KIAA0586: variants seen among roughly 807,000 people sequenced by gnomAD.
KIAA0586 encodes KIAA0586, also known as protein TALPID3.
A neutral mutation model predicts 169.8 loss-of-function variants in KIAA0586; 144 were observed. That is an observed-to-expected ratio of 0.85 (90% CI 0.74 to 0.97). The LOEUF (loss-of-function observed/expected upper bound fraction) is 0.97, where lower values mean the gene tolerates loss of function less well. Among genes scored for constraint, KIAA0586 ranks in the 50% least tolerant of loss-of-function variants. KIAA0586 has a pLI of 0.00. For missense variants in KIAA0586, 1,854 were observed against 1,823.0 expected, an observed-to-expected ratio of 1.02 and a Z score of -0.31; for synonymous variants, 625 against 612.4, an observed-to-expected ratio of 1.02 and a Z score of -0.30.
At chr14:58,525,777 C>T (rs2045543311) in intron 29 of KIAA0586, among the ~76,000 whole-genome samples, 1 of 152,224 alleles carries the variant, frequency 6.6e-6, no homozygotes, top group Admixed American at 6.5e-5. Flanking sequence ...GCGGATTCCA[C>T]TGCCACGGAA....
At chr14:58,514,607 G>A (rs2044623126) in intron 29 of KIAA0586, among the ~76,000 whole-genome samples, 1 of 151,968 alleles carries the variant, frequency 6.6e-6, no homozygotes, top group South Asian at 2.1e-4. Context: ...ATATTGCTAG[G>A]AACTTAGTAA....
rs551062851 is a variant in KIAA0586 at position 58,457,855 on chromosome 14, G to A, written c.1459G>A (p.Ala487Thr). The change falls in exon 11 of 31, where the codon GCT becomes ACT. Residue 487 changes from alanine (A) to threonine (T), a missense_variant. Coordinates refer to ENST00000652326, the MANE Select transcript of KIAA0586 (RefSeq NM_001329943.3). ...TNTTRSVLKD[A>T]EKILRGVQNN... is the part of the protein sequence containing the mutation. ...TACAACAAGATCTGTATTGAAAGAT[G>A]CTGAGAAGATTTTGAGAGGAGTACA... The A allele has an allele frequency of 6.2e-7, 1 of 1,608,648 alleles. No individual in the cohort carries two copies. Among genetic ancestry groups the A allele is most frequent in the South Asian group, 1.1e-5 (1 of 90,160 alleles).
intron 4 of KIAA0586, among the ~76,000 whole-genome samples, chr14:58,438,711 C>T (rs984161017): frequency 6.6e-6 from 1 of 152,102 alleles, no homozygotes; most frequent in Non-Finnish European, 1.5e-5. Flanking sequence ...AGAGGAAGTG[C>T]TAGAAGAACA....
chr14:58,558,003 G>A, the KIAA0586 span, among the ~76,000 whole-genome samples: 7 of 137,856 alleles, frequency 5.1e-5, no homozygotes, highest in African/African-American at 5.4e-5. Context: ...TCCACCTATC[G>A]GGTTCAAGCA....
chr14:58,515,889 A>G (rs1353098483), intron 29 of KIAA0586, among the ~76,000 whole-genome samples: 1 of 151,152 alleles, frequency 6.6e-6, no homozygotes, highest in South Asian at 2.1e-4. Context: ...CCTAACTATA[A>G]TAAAATGTCA....
intron 29 of KIAA0586, among the ~76,000 whole-genome samples, chr14:58,532,122 G>A (rs2046011388): frequency 6.6e-6 from 1 of 151,734 alleles, no homozygotes; most frequent in Admixed American, 6.6e-5. Context: ...ACCATGGCAT[G>A]TGTGTACCTA....
At chr14:58,473,435 A>C (rs1394757262) in intron 18 of KIAA0586, among the ~76,000 whole-genome samples, 1 of 152,206 alleles carries the variant, frequency 6.6e-6, no homozygotes, top group Non-Finnish European at 1.5e-5. Context: ...AAACTTTAAC[A>C]ATTCCAGAAA....
chr14:58,499,562 T>C (rs1243744380), intron 27 of KIAA0586, among the ~76,000 whole-genome samples: 1 of 149,188 alleles, frequency 6.7e-6, no homozygotes, highest in East Asian at 2.0e-4. Context: ...TATTTTATTT[T>C]ATTTTATTTT....
intron 19 of KIAA0586, among the ~76,000 whole-genome samples, chr14:58,476,458 T>G (rs997638329): frequency 1.3e-5 from 2 of 152,176 alleles, no homozygotes; most frequent in Non-Finnish European, 2.9e-5. Context: ...CTAGCTCTGA[T>G]CTGATATGGT....
chr14:58,452,052 C>T (rs1234648539), intron 8 of KIAA0586, among the ~76,000 whole-genome samples: 3 of 152,146 alleles, frequency 2.0e-5, no homozygotes, highest in African/African-American at 7.2e-5. Flanking sequence ...ATCATATGTT[C>T]TCACTCATAA....
chr14:58,488,518 A>G, intron 23 of KIAA0586, 103 bp from the exon 24 acceptor site: 3 of 1,334,804 alleles, frequency 2.2e-6, no homozygotes, highest in Non-Finnish European at 2.0e-6. Flanking sequence ...TTAAAAAAAT[A>G]TTTTGCTAAA....
chr14:58,502,612 AT>A (rs2043649967), intron 27 of KIAA0586, among the ~76,000 whole-genome samples: 1 of 152,134 alleles, frequency 6.6e-6, no homozygotes, highest in African/African-American at 2.4e-5. Flanking sequence ...TGTCTATCTC[AT>A]TATGGTTATT....
At chr14:58,553,829 TC>T (rs2047230422), downstream of KIAA0586, among the ~76,000 whole-genome samples, 2 of 152,230 alleles carry the variant, frequency 1.3e-5, no homozygotes, top group South Asian at 4.1e-4. Context: ...ATTAGCATTT[TC>T]TGTAGGACAA....
chr14:58,446,992 T>G (rs2140636362), intron 6 of KIAA0586, among the ~76,000 whole-genome samples: 1 of 152,332 alleles, frequency 6.6e-6, no homozygotes, highest in African/African-American at 2.4e-5. Flanking sequence ...TAGTCCTAAG[T>G]ACTTACCTGC....
chr14:58,499,205 C>T (rs2043374368), intron 27 of KIAA0586, among the ~76,000 whole-genome samples: 1 of 152,118 alleles, frequency 6.6e-6, no homozygotes, highest in Non-Finnish European at 1.5e-5. Flanking sequence ...TGGTAATACA[C>T]ATACATACAC....
intron 29 of KIAA0586, chr14:58,521,805 A>G (rs2045249650): frequency 6.1e-6 from 5 of 822,580 alleles, no homozygotes; most frequent in Non-Finnish European, 1.1e-5. Context: ...TTCCATGAAG[A>G]AAGATGAGAC....
intron 27 of KIAA0586, among the ~76,000 whole-genome samples, chr14:58,506,251 A>T (rs1447488753): frequency 6.6e-6 from 1 of 152,220 alleles, no homozygotes; most frequent in Non-Finnish European, 1.5e-5. Flanking sequence ...TAAAGCCTGA[A>T]ACATTAGTTA....
chr14:58,496,236 T>A (rs1426466994), intron 26 of KIAA0586, among the ~76,000 whole-genome samples: 3 of 152,200 alleles, frequency 2.0e-5, no homozygotes, highest in Non-Finnish European at 4.4e-5. Flanking sequence ...TGACTTAAAT[T>A]GGCATGAACT....
chr14:58,465,985 C>A lies in KIAA0586; in HGVS notation c.2210C>A (p.Ser737Ter). The stretch of plus-strand genomic sequence containing the variant: ...CCAAGTAGAGAAATGCCTACTTTTT[C>A]AGGTACATTGGAAGGTCATCTGATT... ...FSPSREMPTFSGTLEGHLIPM... is the reference protein window; with the variant it reads ...FSPSREMPTF Residue 737 changes from serine (S) to a stop codon, truncating the protein, a stop_gained, in exon 15 of 31, where the codon TCA becomes TAA. Coordinates refer to ENST00000652326, the MANE Select transcript of KIAA0586 (RefSeq NM_001329943.3). LOFTEE classifies it high-confidence loss of function. The A allele has an allele frequency of 6.2e-7, 1 of 1,613,292 alleles. No homozygotes were observed. Among genetic ancestry groups the A allele is most frequent in the Non-Finnish European group, 8.5e-7 (1 of 1,179,506 alleles).
Sources: allele counts gnomAD v4.1 joint callset (sites outside exome capture counted in the v4.1 genomes callset), GRCh38; gene constraint gnomAD v4.1.1; transcripts MANE v1.5; gene names NCBI Gene and HGNC (gene_info 2026-07-23, HGNC 2026-07-21).